SYNE1: variants seen among roughly 807,000 people sequenced by gnomAD.
SYNE1 encodes the protein spectrin repeat containing nuclear envelope protein 1.
In SYNE1, 616 loss-of-function variants were observed where a neutral mutation model predicts 1,111.0. That is an observed-to-expected ratio of 0.55 (90% CI 0.52 to 0.59). The LOEUF (loss-of-function observed/expected upper bound fraction) is 0.59. Among genes scored for constraint, SYNE1 ranks in the 20% least tolerant of loss-of-function variants. The pLI is 0.00. For missense variants in SYNE1, 10,006 were observed against 10,417.0 expected (o/e 0.96, Z 1.72); for synonymous variants, 3,855 against 3,825.8 (o/e 1.01, Z -0.28).
At chr6:152,399,099 C>T (rs2097775409) in intron 48 of SYNE1, among the ~76,000 whole-genome samples, 1 of 152,166 alleles carries the variant, frequency 6.6e-6, no homozygotes, top group Non-Finnish European at 1.5e-5. Context: ...TTTGATGGCA[C>T]AGGGAGGAAC....
intron 24 of SYNE1, 33 bp from the exon 25 acceptor site, chr6:152,453,753 T>C (rs2098670917): frequency 6.2e-7 from 1 of 1,613,898 alleles, no homozygotes; most frequent in South Asian, 1.1e-5. Context: ...GTAAGAGTGT[T>C]GGACAGACGA....
chr6:152,543,836 G>A (rs1464764300), intron 3 of SYNE1, among the ~76,000 whole-genome samples: 1 of 152,162 alleles, frequency 6.6e-6, no homozygotes, highest in African/African-American at 2.4e-5. Flanking sequence ...ATTCAGTACA[G>A]TCACATGCTG....
At chr6:152,169,967 A>G (rs1254183476) in intron 130 of SYNE1, among the ~76,000 whole-genome samples, 9 of 152,162 alleles carry the variant, frequency 5.9e-5, no homozygotes, top group African/African-American at 2.2e-4. Flanking sequence ...AACTTTGATT[A>G]AAGAAATATA....
chr6:152,373,340 T>C, intron 58 of SYNE1, 121 bp from the exon 59 acceptor site: 5 of 909,640 alleles, frequency 5.5e-6, no homozygotes, highest in Non-Finnish European at 8.1e-6. Flanking sequence ...AGTGCAGTAG[T>C]GCGATCTCGG....
chr6:152,327,315 GAA>G (rs71868416), intron 78 of SYNE1, among the ~76,000 whole-genome samples: 1 of 143,834 alleles, frequency 7.0e-6, no homozygotes, highest in African/African-American at 2.5e-5. Flanking sequence ...GAAAAGAAAA[GAA>G]AAAAAAAAGA....
At chr6:152,176,701 C>T (rs1445208515) in intron 129 of SYNE1, 141 bp from the exon 130 acceptor site, 2 of 847,496 alleles carry the variant, frequency 2.4e-6, no homozygotes, top group East Asian at 2.5e-5. Flanking sequence ...GATATCAGCC[C>T]ATGTGCACAA....
rs371609288 is a variant in SYNE1 at position 152,404,314 on chromosome 6, A to T, written c.6724T>A (p.Ser2242Thr). Reference protein sequence around the residue: ...RAEELLKEFESEVKNKALRLE... With the variant: ...RAEELLKEFETEVKNKALRLE... ...CTCAATGCTTTGTTTTTAACTTCAG[A>T]CTGCCAAAAGGGAAGAAACATAACT... is the stretch of plus-strand genomic sequence containing the variant. The change falls in exon 46 of 146, where the codon TCT becomes ACT. Residue 2242 changes from serine to threonine, a missense_variant and splice_region_variant. By Grantham distance (58) the Ser-to-Thr change is moderately conservative. Around this residue, in one of 7 missense-constraint regions of SYNE1, gnomAD observed 4,955 missense variants for 5,017.2 expected, o/e 0.99. Coordinates refer to ENST00000367255, the MANE Select transcript of SYNE1 (RefSeq NM_182961.4). 65 of 1,608,392 alleles carry T rather than the reference A, an allele frequency of 4.0e-5. No homozygotes were observed. In the Middle Eastern group the frequency reaches 7.7e-4, roughly 19 times the overall value.
At chr6:152,564,765 T>C (rs1008785886) in intron 3 of SYNE1, among the ~76,000 whole-genome samples, 2 of 152,184 alleles carry the variant, frequency 1.3e-5, no homozygotes, top group Non-Finnish European at 2.9e-5. Flanking sequence ...CAACAGACTT[T>C]GGGGTCTAGG....
intron 134 of SYNE1, 134 bp downstream of exon 134, chr6:152,151,825 C>T (rs2152917671): frequency 3.4e-6 from 5 of 1,484,484 alleles, no homozygotes; most frequent in Non-Finnish European, 3.7e-6. Flanking sequence ...CAATCCTTTG[C>T]TATATCACTC....
intron 134 of SYNE1, 24 bp downstream of exon 134, chr6:152,151,935 T>A: frequency 1.9e-6 from 3 of 1,613,210 alleles, no homozygotes; most frequent in Non-Finnish European, 2.5e-6. Flanking sequence ...GGCCTCTAAA[T>A]TACAGATGAG....
chr6:152,552,640 G>C (rs957688553), intron 3 of SYNE1, among the ~76,000 whole-genome samples: 4 of 152,092 alleles, frequency 2.6e-5, no homozygotes, highest in Non-Finnish European at 5.9e-5. Flanking sequence ...ACCTAAAAGA[G>C]TGAACCTGAG....
chr6:152,425,337 A>T (rs781585981), intron 39 of SYNE1, 44 bp downstream of exon 39: 1 of 1,589,174 alleles, frequency 6.3e-7, no homozygotes, highest in Non-Finnish European at 8.6e-7. Context: ...TCATCATTTA[A>T]AAACAAATGA....
chr6:152,446,470 A>G (rs532077057), intron 29 of SYNE1, among the ~76,000 whole-genome samples: 30 of 152,256 alleles, frequency 2.0e-4, no homozygotes, highest in African/African-American at 6.5e-4. Flanking sequence ...TTTTTGGCTT[A>G]TGTAAATTCA....
intron 145 of SYNE1, chr6:152,129,210 G>A (rs573557218): frequency 6.6e-6 from 1 of 152,338 alleles, no homozygotes; most frequent in African/African-American, 2.4e-5. Flanking sequence ...ACAATGCGGA[G>A]AGCAGATAGA....
intron 18 of SYNE1, 143 bp downstream of exon 18, chr6:152,465,115 C>T: frequency 2.3e-6 from 2 of 886,224 alleles, no homozygotes; most frequent in Non-Finnish European, 3.6e-6. Context: ...TGTTGCTAAC[C>T]TGAAAGTGCA....
intron 15 of SYNE1, 80 bp downstream of exon 15, chr6:152,472,220 AT>A: frequency 7.8e-7 from 1 of 1,280,414 alleles, no homozygotes; most frequent in Non-Finnish European, 1.1e-6. Flanking sequence ...AAAAAAAATC[AT>A]GAAAAAATAA....
intron 32 of SYNE1, among the ~76,000 whole-genome samples, chr6:152,440,926 T>A (rs1031017977): frequency 7.9e-5 from 12 of 152,206 alleles, no homozygotes; most frequent in African/African-American, 2.9e-4. Context: ...TTTTCCAATT[T>A]GATAAAAATC....
intron 129 of SYNE1, among the ~76,000 whole-genome samples, chr6:152,177,098 C>CA (rs2066650070): frequency 6.6e-6 from 1 of 152,128 alleles, no homozygotes. Flanking sequence ...ATCCTCTATA[C>CA]AATGTCAATA....
rs778434079 is a variant in SYNE1, at chr6:152,409,088, T to G, written c.6520A>C (p.Thr2174Pro). ...FSLVKTDMES[T>P]VDKWLDVSEK... ...CTTACATCCAGCCATTTGTCCACGG[T>G]GCTCTCCATGTCTGTTTTCACCAAG... Residue 2174 changes from threonine to proline, a missense_variant, in exon 44 of 146, where the codon ACC becomes CCC. Physicochemically the swap from Thr to Pro is conservative, Grantham distance 38. Transcript: ENST00000367255. 1.2e-6 allele frequency: 2 copies of G among 1,614,174 alleles called. No individual in the cohort carries two copies. Among genetic ancestry groups the G allele is most frequent in the Middle Eastern group, 1.6e-4 (1 of 6,062 alleles).
Sources: gnomAD v4.1 joint callset for allele counts (sites outside exome capture counted in the v4.1 genomes callset) on GRCh38, gnomAD v4.1.1 for gene constraint, gnomAD v4.1.1 regional missense constraint, MANE v1.5 for transcripts, NCBI Gene and HGNC (gene_info 2026-07-23, HGNC 2026-07-21) for gene names.